The following ARHGAP39 variants were observed in gnomAD, a reference collection of about 807,000 sequenced individuals.
ARHGAP39 encodes the protein Rho GTPase activating protein 39.
ARHGAP39 carries 44 observed loss-of-function variants against 106.9 expected under a neutral mutation model. The ratio of observed to expected loss-of-function variants is 0.41; its 90% confidence interval spans 0.32 to 0.53. ARHGAP39 has a LOEUF of 0.53. Ranked by LOEUF, ARHGAP39 falls within the 20% of genes least tolerant of loss-of-function variation. ARHGAP39 has a pLI of 0.21. For missense variants in ARHGAP39, 1,496 were observed against 1,577.3 expected (o/e 0.95, Z 0.87); for synonymous variants, 768 against 693.2 (o/e 1.11, Z -1.69).
chr8:144,571,545 C>A (rs574173404), intron 3 of ARHGAP39, among the ~76,000 whole-genome samples: 1 of 152,140 alleles, frequency 6.6e-6, no homozygotes, highest in East Asian at 1.9e-4. Context: ...ACTGAATGGG[C>A]AAAAACTGGA....
At chr8:144,605,833 C>T in intron 1 of ARHGAP39, 138 bp from the exon 2 acceptor site, 1 of 582,860 alleles carries the variant, frequency 1.7e-6, no homozygotes, top group Non-Finnish European at 3.1e-6. Flanking sequence ...CCCCGGGCAG[C>T]CAACCCCACT....
chr8:144,600,267 T>G (rs1184323697), intron 2 of ARHGAP39, among the ~76,000 whole-genome samples: 1 of 132,504 alleles, frequency 7.5e-6, no homozygotes, highest in East Asian at 2.4e-4. Context: ...TGCGTGGGGG[T>G]GTCTGTGTGC....
At chr8:144,616,322 T>C (rs2976604) in intron 1 of ARHGAP39, among the ~76,000 whole-genome samples, 149,957 of 152,354 alleles carry the variant, frequency 0.98, 73,978 homozygotes, top group Middle Eastern at 1. Flanking sequence ...AGGCCCCCCA[T>C]GAAAGGGTCC....
At chr8:144,599,867 G>A (rs1441582311) in intron 2 of ARHGAP39, among the ~76,000 whole-genome samples, 1 of 152,188 alleles carries the variant, frequency 6.6e-6, no homozygotes, top group Non-Finnish European at 1.5e-5. Flanking sequence ...AAGCAATTCT[G>A]AACCAATTTT....
At chr8:144,574,452 C>A (rs1213554581) in intron 3 of ARHGAP39, among the ~76,000 whole-genome samples, 1 of 152,278 alleles carries the variant, frequency 6.6e-6, no homozygotes, top group African/African-American at 2.4e-5. Flanking sequence ...GGGCAGATCA[C>A]CAGGTCAGCA....
chr8:144,600,385 CGT>C lies in ARHGAP39; in HGVS notation c.80+5148_80+5149del, dbSNP rs759938779. ...GCGTGCACACTTGGGTACCTACCTG[CGT>C]GTGTGGAGGCGTGTGTGTGCACTTG... On this transcript the variant is annotated intron_variant, in intron 2 of 11. Transcript: ENST00000377307. 8.0e-5 allele frequency among the ~76,000 whole-genome samples: 10 copies of C among 125,382 alleles called. No homozygotes were observed. The East Asian group carries it at 1.3e-3, about 16-fold the overall frequency. 82.3% of individuals were successfully genotyped at this position (125,382 alleles called of 152,430 possible).
At chr8:144,600,151 CTGTG>C (rs1389884878) in intron 2 of ARHGAP39, among the ~76,000 whole-genome samples, 2 of 150,958 alleles carry the variant, frequency 1.3e-5, no homozygotes, top group Non-Finnish European at 3.0e-5. Context: ...ATGTACCTAC[CTGTG>C]TGTGTGCGTG....
chr8:144,555,641 G>A lies in ARHGAP39; in HGVS notation c.515C>T (p.Ser172Phe). The A allele has an allele frequency of 6.2e-7, 1 of 1,613,194 alleles. No individual in the cohort carries two copies. Among genetic ancestry groups the A allele is most frequent in the Non-Finnish European group, 8.5e-7 (1 of 1,179,482 alleles). The change falls in exon 4 of 12, where the codon TCT becomes TTT. Residue 172 changes from serine (S) to phenylalanine (F), a missense_variant and splice_region_variant. Transcript: ENST00000377307. The stretch of plus-strand genomic sequence containing the variant: ...CTCAAGGAACACTCCTGGTGGTGAA[G>A]AGCTGAAACACAGTAAAATGAAAGA... ...FGTVKEDSGSSSPPGVFLEKD... is the reference protein window; with the variant it reads ...FGTVKEDSGSFSPPGVFLEKD...
At chr8:144,659,439 G>A (rs1821771172) in intron 1 of ARHGAP39, among the ~76,000 whole-genome samples, 1 of 152,198 alleles carries the variant, frequency 6.6e-6, no homozygotes, top group South Asian at 2.1e-4. Context: ...AGTTTCACGT[G>A]TTCAACTTTC....
Position 144,581,259 on chromosome 8 carries a change from G to A in ARHGAP39, c.99C>T (p.Ile33=). Reference sequence around the variant, plus strand: ...TGCGCTCGCGGGTGCGCGGTTCGATGATCTCCACCCACTCCAACCTGGGGA... The same window carrying A: ...TGCGCTCGCGGGTGCGCGGTTCGATAATCTCCACCCACTCCAACCTGGGGA... ...GSNTRLEWVE[I]IEPRTRERMY... The change falls in exon 3 of 12, where the codon ATC becomes ATT. Residue 33 remains isoleucine (I), a synonymous_variant. Coordinates refer to ENST00000377307, the MANE Select transcript of ARHGAP39 (RefSeq NM_025251.3). The A allele has an allele frequency of 2.6e-6, 4 of 1,550,734 alleles. No individual in the cohort carries two copies. The highest frequency in any genetic ancestry group is 3.5e-6 in the Non-Finnish European group (4 of 1,148,146).
intron 1 of ARHGAP39, among the ~76,000 whole-genome samples, chr8:144,655,326 A>T (rs1470447565): frequency 6.6e-6 from 1 of 152,130 alleles, no homozygotes; most frequent in Non-Finnish European, 1.5e-5. Flanking sequence ...GCCAGAGCTG[A>T]GCAGAAAACA....
intron 1 of ARHGAP39, among the ~76,000 whole-genome samples, chr8:144,639,340 AAG>A (rs1563719370): frequency 7.1e-6 from 1 of 141,752 alleles, no homozygotes; most frequent in Non-Finnish European, 1.5e-5. Context: ...AAAAAAAAAA[AAG>A]AAAGAAAGAA....
intron 1 of ARHGAP39, among the ~76,000 whole-genome samples, chr8:144,622,365 C>T (rs1161634000): frequency 6.6e-6 from 1 of 152,020 alleles, no homozygotes; most frequent in African/African-American, 2.4e-5. Flanking sequence ...TCAGCAGCCC[C>T]ACCCGCCACA....
chr8:144,655,673 C>CTT (rs1484309520), intron 1 of ARHGAP39, among the ~76,000 whole-genome samples: 1 of 152,182 alleles, frequency 6.6e-6, no homozygotes, highest in South Asian at 2.1e-4. Context: ...TGTTCTAACA[C>CTT]TCAGTAAGGC....
intron 1 of ARHGAP39, among the ~76,000 whole-genome samples, chr8:144,609,932 C>G (rs950058768): frequency 9.2e-5 from 14 of 152,236 alleles, no homozygotes; most frequent in African/African-American, 3.4e-4. Flanking sequence ...GGCAGAGATT[C>G]CAGTGAAGCC....
At chr8:144,599,662 C>T (rs1819769963) in intron 2 of ARHGAP39, among the ~76,000 whole-genome samples, 1 of 151,710 alleles carries the variant, frequency 6.6e-6, no homozygotes. Context: ...AAAAGGGGGA[C>T]AAAAAAATCT....
intron 2 of ARHGAP39, among the ~76,000 whole-genome samples, chr8:144,603,183 G>T (rs1449971609): frequency 6.8e-6 from 1 of 146,138 alleles, no homozygotes; most frequent in Admixed American, 6.8e-5. Context: ...TCATGTACCT[G>T]TGTGTGTGCG....
At chr8:144,554,769 A>G (rs1246643477) in intron 4 of ARHGAP39, among the ~76,000 whole-genome samples, 5 of 152,232 alleles carry the variant, frequency 3.3e-5, no homozygotes, top group Admixed American at 6.5e-5. Flanking sequence ...GGACCAGGGC[A>G]GGCTCTAATT....
chr8:144,605,664 A>G lies in ARHGAP39; in HGVS notation c.-50T>C, dbSNP rs1260908759. ...GGACAGACGTCAGGGCACCATACGC[A>G]CAACGCCAGCATCAGACGGGAAGGT... On this transcript the variant is annotated 5_prime_UTR_variant, in exon 2 of 12. Coordinates refer to ENST00000377307, the MANE Select transcript of ARHGAP39 (RefSeq NM_025251.3). 3.2e-6 allele frequency: 5 copies of G among 1,583,374 alleles called. No individual in the cohort carries two copies. Among genetic ancestry groups the G allele is most frequent in the South Asian group, 1.1e-5 (1 of 90,550 alleles).
Sources: allele counts gnomAD v4.1 joint callset (sites outside exome capture counted in the v4.1 genomes callset), GRCh38; gene constraint gnomAD v4.1.1; transcripts MANE v1.5; gene names NCBI Gene and HGNC (gene_info 2026-07-23, HGNC 2026-07-21).